Variants in ADAM20 observed in about 807,000 individuals in gnomAD.
ADAM20 encodes ADAM metallopeptidase domain 20, also known as disintegrin and metalloproteinase domain-containing protein 20.
For synonymous variants in ADAM20, 305 were observed against 310.2 expected, an observed-to-expected ratio of 0.98 and a Z score of 0.18; for missense variants, 871 against 883.2, an observed-to-expected ratio of 0.99 and a Z score of 0.18.
the ADAM20 span, among the ~76,000 whole-genome samples, chr14:70,542,756 T>C: frequency 6.6e-6 from 1 of 152,130 alleles, no homozygotes; most frequent in Non-Finnish European, 1.5e-5. Flanking sequence ...CTGGCCAACA[T>C]GGTGAAACCC....
At chr14:70,553,875 C>A in the ADAM20 span, among the ~76,000 whole-genome samples, 2 of 152,156 alleles carry the variant, frequency 1.3e-5, no homozygotes, top group Non-Finnish European at 2.9e-5. Flanking sequence ...AGGTCTGGAA[C>A]ACGACAAGGA....
Position 70,524,743 on chromosome 14 carries a change from C to A in ADAM20, c.15G>T (p.Glu5Asp). Residue 5 changes from glutamate (E) to aspartate (D), a missense_variant, in exon 2 of 2, where the codon GAG (glutamate) becomes GAT (aspartate). Glu to Asp is a conservative substitution (Grantham distance 45). Coordinates refer to ENST00000256389, the MANE Select transcript of ADAM20 (RefSeq NM_003814.5). The part of the protein sequence containing the change: MAVG[E>D]PLVHIRVTLL... ...GAGTGACCCTGATGTGCACCAGGGGCTCACCCACTGCCATTATGAAGCTGT... is the reference window on the plus strand; with the variant it reads ...GAGTGACCCTGATGTGCACCAGGGGATCACCCACTGCCATTATGAAGCTGT... 2 of 1,613,924 alleles carry A rather than the reference C, an allele frequency of 1.2e-6. No individual in the cohort carries two copies. Among genetic ancestry groups the A allele is most frequent in the Non-Finnish European group, 8.5e-7 (1 of 1,179,932 alleles).
At chr14:70,563,600 T>G in the ADAM20 span, among the ~76,000 whole-genome samples, 1 of 152,176 alleles carries the variant, frequency 6.6e-6, no homozygotes, top group Non-Finnish European at 1.5e-5. Context: ...AGGTGGAACC[T>G]GTTAGGAGGT....
chr14:70,543,054 A>G, the ADAM20 span, among the ~76,000 whole-genome samples: 2 of 152,218 alleles, frequency 1.3e-5, no homozygotes, highest in African/African-American at 4.8e-5. Context: ...TTTAATAAAA[A>G]TGGGAAACTG....
chr14:70,542,082 T>C, the ADAM20 span, among the ~76,000 whole-genome samples: 1,216 of 152,346 alleles, frequency 8.0e-3, 19 homozygotes, highest in African/African-American at 0.028. Context: ...TTGTTTAAAA[T>C]ATTGCTAATC....
chr14:70,555,512 T>C, the ADAM20 span, among the ~76,000 whole-genome samples: 2 of 152,258 alleles, frequency 1.3e-5, no homozygotes, highest in African/African-American at 4.8e-5. Flanking sequence ...GAACACCCTC[T>C]TAGTCTTTCT....
At chr14:70,563,063 A>G in the ADAM20 span, among the ~76,000 whole-genome samples, 3 of 152,220 alleles carry the variant, frequency 2.0e-5, no homozygotes, top group Non-Finnish European at 4.4e-5. Context: ...CATATTCCTT[A>G]GCAATCTGAG....
the ADAM20 span, among the ~76,000 whole-genome samples, chr14:70,542,934 A>T: frequency 1.4e-4 from 21 of 151,164 alleles, no homozygotes; most frequent in Admixed American, 1.4e-3. Context: ...GCAAGACTCC[A>T]TCTCAAAAAA....
At chr14:70,555,062 G>A in the ADAM20 span, among the ~76,000 whole-genome samples, 39 of 152,286 alleles carry the variant, frequency 2.6e-4, no homozygotes, top group African/African-American at 9.1e-4. Flanking sequence ...GTGTACGCCC[G>A]ATGGAGAGAA....
the ADAM20 span, among the ~76,000 whole-genome samples, chr14:70,548,852 T>C: frequency 1.1e-5 from 1 of 92,548 alleles, no homozygotes; most frequent in Admixed American, 1.2e-4. Context: ...CACATAATTG[T>C]CAGATTCACC....
Position 70,530,887 on chromosome 14 carries a change from A to G in ADAM20, c.-177+3910T>C, listed in dbSNP as rs145393842. The stretch of plus-strand genomic sequence containing the variant: ...TAAATACTGACATTTAAAAAAAAAA[A>G]AGAGAGAGAGAAATCTCAAATAAAC... On this transcript the variant is annotated intron_variant, in intron 1 of 1. Coordinates refer to ENST00000256389, the MANE Select transcript of ADAM20 (RefSeq NM_003814.5). Among the ~76,000 whole-genome samples the G allele has an allele frequency of 1.2e-3, 183 of 152,226 alleles. 2 individuals are homozygous for G. Among genetic ancestry groups the G allele is most frequent in the Non-Finnish European group, 1.8e-3 (123 of 67,972 alleles).
the ADAM20 span, chr14:70,556,503 A>G: frequency 6.6e-6 from 1 of 152,266 alleles, no homozygotes; most frequent in Non-Finnish European, 1.5e-5. Flanking sequence ...ACAGATACAG[A>G]TAACCAAGCA....
intron 1 of ADAM20, among the ~76,000 whole-genome samples, chr14:70,528,435 T>C (rs1179899950): frequency 6.6e-6 from 1 of 152,202 alleles, no homozygotes; most frequent in Non-Finnish European, 1.5e-5. Context: ...CTTTTCATGA[T>C]TGTATTAATA....
chr14:70,573,172 T>G, the ADAM20 span, among the ~76,000 whole-genome samples: 1 of 152,188 alleles, frequency 6.6e-6, no homozygotes, highest in Non-Finnish European at 1.5e-5. Context: ...AGCAAAATCA[T>G]GCAATCAGCC....
At chr14:70,574,391 A>G in the ADAM20 span, among the ~76,000 whole-genome samples, 1 of 152,104 alleles carries the variant, frequency 6.6e-6, no homozygotes, top group East Asian at 1.9e-4. Context: ...CTGTAATCCC[A>G]GCACTTTGGG....
At position 70,522,504 on chromosome 14, in the gene ADAM20, A is replaced by C; in HGVS notation, c.*73T>G. ...TATTTAAACAGTGAGACATGGCTTC[A>C]TATTTTTCTATTAAAAAATTGGATA... On this transcript the variant is annotated 3_prime_UTR_variant, in exon 2 of 2. Coordinates refer to ENST00000256389, the MANE Select transcript of ADAM20 (RefSeq NM_003814.5). 1 of 1,364,978 alleles carries C rather than the reference A, an allele frequency of 7.3e-7. No homozygotes were observed. The highest frequency in any genetic ancestry group is 1.5e-5 in the African/African-American group (1 of 68,082). The allele number at this position is 1,364,978 out of a possible 1,614,324, so 84.6% of individuals were successfully genotyped here.
chr14:70,560,275 A>G, the ADAM20 span, among the ~76,000 whole-genome samples: 1 of 152,226 alleles, frequency 6.6e-6, no homozygotes, highest in Non-Finnish European at 1.5e-5. Flanking sequence ...ATCACTATTT[A>G]TGAACTTTCT....
intron 1 of ADAM20, among the ~76,000 whole-genome samples, chr14:70,532,513 C>A (rs1464735009): frequency 1.3e-5 from 2 of 152,042 alleles, no homozygotes; most frequent in African/African-American, 2.4e-5. Context: ...AGACAATCAA[C>A]AGATTGGAAA....
the ADAM20 span, among the ~76,000 whole-genome samples, chr14:70,572,246 C>T: frequency 6.6e-6 from 1 of 152,058 alleles, no homozygotes; most frequent in Non-Finnish European, 1.5e-5. Flanking sequence ...ACTACAAAAA[C>T]AGATGCATAG....
Sources: gnomAD v4.1 joint callset for allele counts (sites outside exome capture counted in the v4.1 genomes callset) on GRCh38, gnomAD v4.1.1 for gene constraint, MANE v1.5 for transcripts, NCBI Gene and HGNC (gene_info 2026-07-23, HGNC 2026-07-21) for gene names.